SLC71A2: variants seen among roughly 807,000 people sequenced by gnomAD.
SLC71A2 encodes solute carrier family 71 member 2, also known as hippocampus abundant transcript-like 1.
At chr9:94,423,742 C>G in the SLC71A2 span, among the ~76,000 whole-genome samples, 1 of 152,180 alleles carries the variant, frequency 6.6e-6, no homozygotes, top group Non-Finnish European at 1.5e-5. Context: ...AATTTTAAGA[C>G]TGAGGCTGCT....
At chr9:94,430,061 C>G in the SLC71A2 span, among the ~76,000 whole-genome samples, 1 of 151,322 alleles carries the variant, frequency 6.6e-6, no homozygotes, top group Non-Finnish European at 1.5e-5. Flanking sequence ...TGCACCACCA[C>G]GCCCAGCTGA....
the SLC71A2 span, among the ~76,000 whole-genome samples, chr9:94,400,103 C>T: frequency 5.1e-4 from 77 of 152,126 alleles, no homozygotes; most frequent in Non-Finnish European, 4.4e-4. Context: ...AGCCACTGCG[C>T]CCGGCCAGAG....
chr9:94,458,555 T>C, the SLC71A2 span: 11 of 1,223,432 alleles, frequency 9.0e-6, no homozygotes, highest in Non-Finnish European at 1.3e-5. Context: ...CATTCTTTCT[T>C]GTATGTTACT....
the SLC71A2 span, chr9:94,459,099 A>AT: frequency 6.5e-7 from 1 of 1,540,590 alleles, no homozygotes; most frequent in Non-Finnish European, 8.8e-7. Flanking sequence ...TAATCTAGGA[A>AT]TAATTTTGAG....
the SLC71A2 span, among the ~76,000 whole-genome samples, chr9:94,385,744 C>T: frequency 6.6e-6 from 1 of 152,064 alleles, no homozygotes; most frequent in African/African-American, 2.4e-5. Context: ...CTGTTTTGAT[C>T]ACTGTGGCTT....
chr9:94,429,144 T>C, the SLC71A2 span: 20 of 1,605,560 alleles, frequency 1.2e-5, no homozygotes, highest in Non-Finnish European at 1.5e-5. Context: ...ATTTTTCCTT[T>C]AACTTAAATT....
At chr9:94,419,149 T>C in the SLC71A2 span, among the ~76,000 whole-genome samples, 5 of 152,004 alleles carry the variant, frequency 3.3e-5, no homozygotes, top group Non-Finnish European at 5.9e-5. Flanking sequence ...GGTCTTGCCC[T>C]GTTGCCTAGG....
chr9:94,451,444 T>TC, the SLC71A2 span: 4 of 1,438,482 alleles, frequency 2.8e-6, no homozygotes, highest in African/African-American at 5.8e-5. Context: ...TGTTTTCATT[T>TC]CATTTCCATA....
At chr9:94,426,240 C>G in the SLC71A2 span, among the ~76,000 whole-genome samples, 1 of 151,814 alleles carries the variant, frequency 6.6e-6, no homozygotes, top group Non-Finnish European at 1.5e-5. Context: ...CTTAGAAGTC[C>G]CACAGTTTTC....
the SLC71A2 span, chr9:94,459,396 A>C: frequency 3.7e-6 from 6 of 1,613,858 alleles, no homozygotes; most frequent in Non-Finnish European, 4.2e-6. Context: ...CCTGGGAATC[A>C]GTGCACTGAG....
chr9:94,455,127 G>A, the SLC71A2 span, among the ~76,000 whole-genome samples: 2 of 128,296 alleles, frequency 1.6e-5, no homozygotes, highest in African/African-American at 6.1e-5. Context: ...TCTGAATTTT[G>A]GAATTTCATT....
At chr9:94,377,553 T>TTTTTA in the SLC71A2 span, among the ~76,000 whole-genome samples, 1 of 132,084 alleles carries the variant, frequency 7.6e-6, no homozygotes, top group Non-Finnish European at 1.6e-5. Context: ...TTTTTTTTTT[T>TTTTTA]AATTTATTTT....
At chr9:94,444,940 G>A in the SLC71A2 span, 2 of 1,608,022 alleles carry the variant, frequency 1.2e-6, no homozygotes, top group Non-Finnish European at 1.7e-6. Flanking sequence ...ATGGGACCCT[G>A]GGTGAGAGTG....
At chr9:94,438,112 A>G in the SLC71A2 span, among the ~76,000 whole-genome samples, 1 of 151,484 alleles carries the variant, frequency 6.6e-6, no homozygotes, top group Non-Finnish European at 1.5e-5. Context: ...GTAATTTTGT[A>G]TTTTTAGTAG....
chr9:94,431,187 C>T, the SLC71A2 span, among the ~76,000 whole-genome samples: 2 of 151,982 alleles, frequency 1.3e-5, no homozygotes, highest in Non-Finnish European at 2.9e-5. Context: ...GTGGCGGGCC[C>T]CTGTAGTCCC....
the SLC71A2 span, among the ~76,000 whole-genome samples, chr9:94,396,440 A>G: frequency 6.6e-6 from 1 of 152,242 alleles, no homozygotes; most frequent in Non-Finnish European, 1.5e-5. Flanking sequence ...TCTTGAACCC[A>G]GGAGGCGGAG....
chr9:94,419,548 G>A, the SLC71A2 span, among the ~76,000 whole-genome samples: 2 of 151,992 alleles, frequency 1.3e-5, no homozygotes, highest in East Asian at 1.9e-4. Flanking sequence ...CTCGTGATCC[G>A]CCCACCTCGG....
the SLC71A2 span, among the ~76,000 whole-genome samples, chr9:94,455,982 A>G: frequency 6.6e-6 from 1 of 152,236 alleles, no homozygotes. Context: ...ACCAGGGAGA[A>G]GAAAAGTTTG....
the SLC71A2 span, among the ~76,000 whole-genome samples, chr9:94,403,277 C>T: frequency 1.3e-5 from 2 of 152,166 alleles, no homozygotes; most frequent in Non-Finnish European, 2.9e-5. Flanking sequence ...GCTGGGATTA[C>T]AGGCGCCCGC....
Sources: gnomAD v4.1 joint callset for allele counts (sites outside exome capture counted in the v4.1 genomes callset) on GRCh38, gnomAD v4.1.1 for gene constraint, MANE v1.5 for transcripts, NCBI Gene and HGNC (gene_info 2026-07-23, HGNC 2026-07-21) for gene names.